The following SPATA13 variants were observed in gnomAD, a reference collection of about 807,000 sequenced individuals.
SPATA13 encodes spermatogenesis-associated protein 13.
A neutral mutation model predicts 104.0 loss-of-function variants in SPATA13; 50 were observed. The ratio of observed to expected loss-of-function variants is 0.48; its 90% CI spans 0.38 to 0.61. The LOEUF is 0.61. SPATA13 is among the 20% of genes least tolerant of loss of function. The pLI, the probability that SPATA13 is intolerant of heterozygous loss-of-function variation, is 0.00. For synonymous variants in SPATA13, 606 were observed against 667.5 expected (o/e 0.91, Z 1.42); for missense variants, 1,524 against 1,690.6 (o/e 0.90, Z 1.73).
chr13:24,095,033 A>T (rs1018101706), intron 3 of SPATA13, among the ~76,000 whole-genome samples: 3 of 152,216 alleles, frequency 2.0e-5, no homozygotes, highest in African/African-American at 4.8e-5. Context: ...TCGCCATGTG[A>T]TCCAGCAATC....
intron 3 of SPATA13, among the ~76,000 whole-genome samples, chr13:24,066,833 T>C (rs1010117624): frequency 6.6e-6 from 1 of 152,136 alleles, no homozygotes; most frequent in African/African-American, 2.4e-5. Context: ...CCGCCCTCTG[T>C]GGCAGCCAGA....
At chr13:24,253,444 G>T (rs1222293536) in intron 4 of SPATA13, among the ~76,000 whole-genome samples, 2 of 146,458 alleles carry the variant, frequency 1.4e-5, no homozygotes, top group South Asian at 4.3e-4. Flanking sequence ...CCAGTTCCAT[G>T]CAGTGCCTCT....
At chr13:24,041,770 C>T (rs549234459) in intron 3 of SPATA13, among the ~76,000 whole-genome samples, 1 of 152,218 alleles carries the variant, frequency 6.6e-6, no homozygotes, top group East Asian at 1.9e-4. Context: ...GAAGGTCACA[C>T]ACAAGCCATG....
Position 24,080,903 on chromosome 13 carries a change from C to T in SPATA13, c.-112+63202C>T, listed in dbSNP as rs138983709. On this transcript the variant is annotated intron_variant, in intron 3 of 14. Coordinates refer to the SPATA13 transcript ENST00000424834. ...GACATTTGGGAAACCACTTCCAGTGCACCTGTCTTCTGTCCCCTCACCTCC... is the reference window on the plus strand; with the variant it reads ...GACATTTGGGAAACCACTTCCAGTGTACCTGTCTTCTGTCCCCTCACCTCC... Among the ~76,000 whole-genome samples, 204 of 152,302 alleles carry T rather than the reference C, an allele frequency of 1.3e-3. 1 individual carries two copies. The highest frequency in any genetic ancestry group is 6.0e-3 in the East Asian group (31 of 5,182).
At chr13:24,146,151 T>C (rs1337922997) in intron 3 of SPATA13, among the ~76,000 whole-genome samples, 2 of 152,252 alleles carry the variant, frequency 1.3e-5, no homozygotes, top group African/African-American at 4.8e-5. Flanking sequence ...AGGCAGCACC[T>C]ATCCACTTTC....
intron 3 of SPATA13, among the ~76,000 whole-genome samples, chr13:24,052,183 G>A (rs866207487): frequency 6.6e-5 from 10 of 152,258 alleles, no homozygotes; most frequent in Non-Finnish European, 1.5e-4. Flanking sequence ...CGCAGGCCTC[G>A]GGCACAATTT....
At chr13:24,109,716 CT>C (rs1171714961) in intron 3 of SPATA13, among the ~76,000 whole-genome samples, 1 of 152,012 alleles carries the variant, frequency 6.6e-6, no homozygotes, top group Non-Finnish European at 1.5e-5. Flanking sequence ...CTTTTGGAGC[CT>C]TTTTTGCCCC....
chr13:24,000,000 G>C (rs574197619), intron 2 of SPATA13, among the ~76,000 whole-genome samples: 1 of 152,268 alleles, frequency 6.6e-6, no homozygotes, highest in African/African-American at 2.4e-5. Context: ...AAACGATCTG[G>C]CCTATAAACA....
At chr13:24,119,215 C>G (rs1880957298) in intron 3 of SPATA13, among the ~76,000 whole-genome samples, 1 of 152,024 alleles carries the variant, frequency 6.6e-6, no homozygotes, top group South Asian at 2.1e-4. Flanking sequence ...CTGACACTAA[C>G]TTATGTTCCC....
At chr13:24,061,288 G>C (rs773392889) in intron 3 of SPATA13, among the ~76,000 whole-genome samples, 1 of 152,110 alleles carries the variant, frequency 6.6e-6, no homozygotes, top group Non-Finnish European at 1.5e-5. Flanking sequence ...CATTGGTTTA[G>C]CCATTGTAGA....
At chr13:24,270,780 C>G (rs1874539032) in intron 4 of SPATA13, 1 of 1,609,492 alleles carries the variant, frequency 6.2e-7, no homozygotes, top group Non-Finnish European at 8.5e-7. Context: ...CCTGTGCAGT[C>G]CTCTGTGATG....
chr13:24,089,901 T>C (rs1005784232), intron 3 of SPATA13, among the ~76,000 whole-genome samples: 2 of 152,240 alleles, frequency 1.3e-5, no homozygotes, highest in Non-Finnish European at 2.9e-5. Context: ...CCTGCCGCTC[T>C]GTCCTCTGGA....
intron 11 of SPATA13, 46 bp from the exon 12 acceptor site, chr13:24,300,355 A>G (rs1281556815): frequency 2.6e-6 from 4 of 1,519,348 alleles, no homozygotes; most frequent in Non-Finnish European, 3.6e-6. Flanking sequence ...GCTCTGAAAC[A>G]TGTCCACGTG....
chr13:24,014,977 A>G (rs1377326249), intron 2 of SPATA13, among the ~76,000 whole-genome samples: 2 of 138,954 alleles, frequency 1.4e-5, no homozygotes, highest in Non-Finnish European at 3.0e-5. Context: ...TGCAAGCTCC[A>G]CTTCCTGGGT....
intron 3 of SPATA13, among the ~76,000 whole-genome samples, chr13:24,121,618 G>C (rs897415183): frequency 6.6e-6 from 1 of 152,202 alleles, no homozygotes; most frequent in Non-Finnish European, 1.5e-5. Flanking sequence ...TGGTGAGGAA[G>C]AGACAGAAAT....
In SPATA13 at chr13:24,286,440, G is replaced by A; in HGVS notation, c.2481+47G>A. ...CTTTTCCAAAGTACCTGGGGGAGCTGCAGGATCCTTTCAGGTCAGAACTCG... is the reference window on the plus strand; with the variant it reads ...CTTTTCCAAAGTACCTGGGGGAGCTACAGGATCCTTTCAGGTCAGAACTCG... On this transcript the variant is annotated intron_variant, in intron 6 of 12. Coordinates refer to ENST00000382108, the MANE Select transcript of SPATA13 (RefSeq NM_001166271.3). This position sits in a 1 kb window ranked among gnomAD's most constrained non-coding sequence, Gnocchi z 4.9. The A allele has an allele frequency of 6.4e-7, 1 of 1,573,858 alleles. No homozygotes were observed.
At chr13:24,203,635 T>C (rs9551080) in intron 1 of SPATA13, among the ~76,000 whole-genome samples, 57,938 of 152,076 alleles carry the variant, frequency 0.38, 11,662 homozygotes, top group East Asian at 0.63. Context: ...AGAATCAGGA[T>C]AGGGTAATTT....
intron 4 of SPATA13, among the ~76,000 whole-genome samples, chr13:24,274,858 C>T (rs978158851): frequency 3.9e-5 from 6 of 152,218 alleles, no homozygotes; most frequent in South Asian, 2.1e-4. Flanking sequence ...ACCAGCTGCT[C>T]ATTAGCTAGG....
At chr13:24,270,590 A>G (rs1458348294) in intron 4 of SPATA13, 5 of 603,688 alleles carry the variant, frequency 8.3e-6, no homozygotes, top group Non-Finnish European at 1.4e-5. Context: ...TTTGGTGTAT[A>G]TAGGTTTTGC....
Sources: allele counts gnomAD v4.1 joint callset (sites outside exome capture counted in the v4.1 genomes callset), GRCh38; gene constraint gnomAD v4.1.1; non-coding constraint Gnocchi (gnomAD v3.1); transcripts MANE v1.5; gene names NCBI Gene and HGNC (gene_info 2026-07-23, HGNC 2026-07-21).